Variants in FOCAD observed in about 807,000 individuals in gnomAD.
FOCAD encodes the protein focadhesin, also known as KIAA1797.
In FOCAD, 198 loss-of-function variants were observed where a neutral mutation model predicts 225.6. The observed-to-expected ratio is 0.88, with a 90% confidence interval of 0.78 to 0.99. The LOEUF (loss-of-function observed/expected upper bound fraction) is 0.99, where lower values mean the gene tolerates loss of function less well. Ranked by LOEUF, FOCAD falls within the 50% of genes least tolerant of loss-of-function variation. The pLI, the probability that FOCAD is intolerant of heterozygous loss-of-function variation, is 0.00. For synonymous variants in FOCAD, 897 were observed against 755.0 expected (o/e 1.19, Z -3.08); for missense variants, 2,713 against 2,123.6 (o/e 1.28, Z -5.46).
chr9:20,882,038 C>A lies in FOCAD; in HGVS notation c.2485C>A (p.Leu829Met). The change falls in exon 20 of 44, where the codon CTG (leucine) becomes ATG (methionine). Residue 829 changes from leucine to methionine, a missense_variant. By Grantham distance (15) the Leu-to-Met change is conservative. Coordinates refer to ENST00000338382, the MANE Select transcript of FOCAD (RefSeq NM_001375567.1). Reference protein sequence around the residue: ...KMYETNKQPGLKPGLAGGMLF... With the variant: ...KMYETNKQPGMKPGLAGGMLF... ...GTATGAAACAAACAAGCAACCAGGA[C>A]TGAAACCTGGCCTTGCAGGTAAGGG... 2 of 1,613,224 alleles carry A rather than the reference C, an allele frequency of 1.2e-6. No individual in the cohort carries two copies. The highest frequency in any genetic ancestry group is 1.7e-6 in the Non-Finnish European group (2 of 1,179,662).
chr9:20,949,601 C>T lies in FOCAD; in HGVS notation c.3877-3C>T, dbSNP rs1043699519. 1.2e-6 allele frequency: 2 copies of T among 1,612,532 alleles called. No homozygotes were observed. The highest frequency in any genetic ancestry group is 8.5e-7 in the Non-Finnish European group (1 of 1,178,886). On this transcript the variant is annotated splice_region_variant and splice_polypyrimidine_tract_variant and intron_variant, in intron 32 of 43. Coordinates refer to ENST00000338382, the MANE Select transcript of FOCAD (RefSeq NM_001375567.1). ...GGATGGGTATTTCTTCTTATTCTTT[C>T]AGCTGAAATCAGAAGCCATCCAGAC...
chr9:20,709,506 T>TAAA (rs33977101), intron 1 of FOCAD, among the ~76,000 whole-genome samples: 2 of 127,904 alleles, frequency 1.6e-5, no homozygotes, highest in Admixed American at 1.6e-4. Flanking sequence ...CTCTGTCTCT[T>TAAA]AAAAAAAAAA....
intron 15 of FOCAD, among the ~76,000 whole-genome samples, chr9:20,861,571 T>C (rs1190272527): frequency 1.3e-5 from 2 of 152,208 alleles, no homozygotes; most frequent in African/African-American, 4.8e-5. Context: ...TCAGAAATAC[T>C]CTGTCTACTG....
intron 2 of FOCAD, among the ~76,000 whole-genome samples, chr9:20,677,015 A>G (rs1822255326): frequency 6.6e-6 from 1 of 152,216 alleles, no homozygotes; most frequent in Non-Finnish European, 1.5e-5. Flanking sequence ...TAATCAAAAC[A>G]GTATGGTACT....
chr9:20,656,700 C>T (rs1305377206), upstream of FOCAD, among the ~76,000 whole-genome samples: 2 of 152,050 alleles, frequency 1.3e-5, no homozygotes, highest in East Asian at 1.9e-4. Flanking sequence ...TTCCTGAATA[C>T]AGCACACTGA....
chr9:20,935,217 G>T (rs766941611), intron 28 of FOCAD, among the ~76,000 whole-genome samples: 1 of 152,106 alleles, frequency 6.6e-6, no homozygotes, highest in Non-Finnish European at 1.5e-5. Flanking sequence ...TATTATTAAA[G>T]CTTTCTTGTT....
intron 28 of FOCAD, among the ~76,000 whole-genome samples, chr9:20,936,501 A>C (rs982921446): frequency 6.6e-6 from 1 of 152,190 alleles, no homozygotes; most frequent in African/African-American, 2.4e-5. Context: ...CTGGTTTCTC[A>C]AGAAACACTT....
chr9:20,920,463 G>A (rs368839665), intron 24 of FOCAD, among the ~76,000 whole-genome samples: 2 of 126,216 alleles, frequency 1.6e-5, no homozygotes, highest in South Asian at 6.4e-4. Flanking sequence ...CCATTACTGG[G>A]TATATACCCA....
chr9:20,901,915 G>A (rs1470586236), intron 21 of FOCAD, among the ~76,000 whole-genome samples: 1 of 136,132 alleles, frequency 7.3e-6, no homozygotes, highest in South Asian at 2.6e-4. Flanking sequence ...TGTAAAATCT[G>A]CAAAACTGTC....
intron 35 of FOCAD, among the ~76,000 whole-genome samples, chr9:20,967,088 C>T (rs1463815893): frequency 6.6e-6 from 1 of 151,914 alleles, no homozygotes; most frequent in Non-Finnish European, 1.5e-5. Flanking sequence ...ATAGGGATTG[C>T]ATTGAATCTA....
At chr9:20,887,773 T>C (rs2131879643) in intron 21 of FOCAD, among the ~76,000 whole-genome samples, 1 of 152,342 alleles carries the variant, frequency 6.6e-6, no homozygotes, top group Non-Finnish European at 1.5e-5. Flanking sequence ...CAAACTGTTT[T>C]CCTAGTGGCT....
Position 20,881,962 on chromosome 9 carries a change from C to T in FOCAD, c.2409C>T (p.Arg803=), listed in dbSNP as rs1830701508. ...ACTCTGCATTAAAAGGAGGTGCCCG[C>T]TCAGACCAAGGAAAGACTGTAGCAG... is the stretch of plus-strand genomic sequence containing the variant. ...IYHSALKGGA[R]SDQGKTVAGI... Residue 803 remains arginine, a synonymous_variant, in exon 20 of 44, where the codon CGC becomes CGT. Coordinates refer to ENST00000338382, the MANE Select transcript of FOCAD (RefSeq NM_001375567.1). 7.4e-6 allele frequency: 12 copies of T among 1,613,912 alleles called. No individual in the cohort carries two copies. In the South Asian group the frequency reaches 1.2e-4, roughly 16 times the overall value.
intron 6 of FOCAD, 24 bp from the exon 7 acceptor site, chr9:20,764,845 G>C: frequency 6.3e-7 from 1 of 1,587,514 alleles, no homozygotes; most frequent in Non-Finnish European, 8.6e-7. Flanking sequence ...TCAATAACTG[G>C]CTAATGTATT....
intron 34 of FOCAD, 97 bp downstream of exon 34, chr9:20,951,195 T>TTACTTAGGGTTGTTGTG: frequency 3.4e-6 from 3 of 881,026 alleles, no homozygotes; most frequent in Non-Finnish European, 5.6e-6. Flanking sequence ...ACAACAACCC[T>TTACTTAGGGTTGTTGTG]AAGTAATGGG....
At chr9:20,887,398 C>G (rs1234265442) in intron 21 of FOCAD, among the ~76,000 whole-genome samples, 2 of 152,120 alleles carry the variant, frequency 1.3e-5, no homozygotes, top group Non-Finnish European at 2.9e-5. Context: ...CCACGCCCAG[C>G]TAATTTTTGT....
chr9:20,929,237 T>G, intron 26 of FOCAD, 121 bp from the exon 27 acceptor site: 1 of 694,688 alleles, frequency 1.4e-6, no homozygotes, highest in Non-Finnish European at 2.5e-6. Flanking sequence ...AAATGTATTA[T>G]TTTGGGTGTC....
intron 15 of FOCAD, among the ~76,000 whole-genome samples, chr9:20,860,101 G>A (rs1430699939): frequency 2.0e-5 from 3 of 152,058 alleles, no homozygotes. Flanking sequence ...AGAGAAAATA[G>A]ATCATTATTT....
chr9:20,940,083 T>C (rs1181538535), intron 28 of FOCAD, among the ~76,000 whole-genome samples: 4 of 152,210 alleles, frequency 2.6e-5, no homozygotes, highest in Admixed American at 6.5e-5. Context: ...TGAACAACTA[T>C]ATTGAGAGAG....
chr9:20,978,714 C>T (rs923615666), intron 37 of FOCAD, among the ~76,000 whole-genome samples: 19 of 152,166 alleles, frequency 1.2e-4, no homozygotes, highest in African/African-American at 3.6e-4. Flanking sequence ...AAGTTCCTTT[C>T]TCAAGATCAT....
Sources: allele counts gnomAD v4.1 joint callset (sites outside exome capture counted in the v4.1 genomes callset), GRCh38; gene constraint gnomAD v4.1.1; transcripts MANE v1.5; gene names NCBI Gene and HGNC (gene_info 2026-07-23, HGNC 2026-07-21).